DCAKD: variants seen among roughly 807,000 people sequenced by gnomAD.
DCAKD encodes the protein dephospho-CoA kinase domain-containing protein.
Under a neutral mutation model 18.7 loss-of-function variants are expected in DCAKD, and 15 were observed. The observed-to-expected ratio is 0.80, with a 90% confidence interval of 0.54 to 1.24. The LOEUF is 1.24. Among genes scored for constraint, DCAKD ranks in the 50% most tolerant of loss-of-function variants. DCAKD has a pLI of 0.00. For synonymous variants in DCAKD, 130 were observed against 133.0 expected (o/e 0.98, Z 0.16); for missense variants, 301 against 322.0 (o/e 0.93, Z 0.50).
At chr17:45,034,503 G>C in intron 2 of DCAKD, 113 bp from the exon 3 acceptor site, 1 of 1,217,200 alleles carries the variant, frequency 8.2e-7, no homozygotes, top group East Asian at 2.5e-5. Flanking sequence ...TTCAGGTGGA[G>C]CAAAAGCAAA....
intron 1 of DCAKD, among the ~76,000 whole-genome samples, chr17:45,045,836 TTG>T (rs2071929478): frequency 1.3e-5 from 2 of 152,170 alleles, no homozygotes; most frequent in Admixed American, 1.3e-4. Context: ...TTTTTTGTTT[TTG>T]TTTTTGAGAC....
intron 3 of DCAKD, chr17:45,032,189 G>A (rs938968580): frequency 2.8e-5 from 26 of 914,414 alleles, no homozygotes; most frequent in South Asian, 2.5e-4. Context: ...GGTGGGGGAC[G>A]GGAAGGACAC....
At chr17:45,037,521 G>A (rs562655222) in intron 1 of DCAKD, among the ~76,000 whole-genome samples, 13 of 151,852 alleles carry the variant, frequency 8.6e-5, no homozygotes, top group South Asian at 4.2e-4. Context: ...GTGCAATGGC[G>A]CATCTCAGCT....
At chr17:45,044,223 C>T (rs1160439633) in intron 1 of DCAKD, among the ~76,000 whole-genome samples, 1 of 152,146 alleles carries the variant, frequency 6.6e-6, no homozygotes, top group East Asian at 1.9e-4. Context: ...CTCCCCCCTA[C>T]ATCACTGCCC....
chr17:45,035,637 C>T (rs756878883), intron 1 of DCAKD, among the ~76,000 whole-genome samples: 1 of 152,154 alleles, frequency 6.6e-6, no homozygotes. Flanking sequence ...AGACACCTGT[C>T]TCTCTGTGGT....
At chr17:45,049,323 T>C (rs1392577291) in intron 1 of DCAKD, among the ~76,000 whole-genome samples, 1 of 151,950 alleles carries the variant, frequency 6.6e-6, no homozygotes, top group African/African-American at 2.4e-5. Context: ...TACTCTTAGT[T>C]ACTTTGGTGG....
At chr17:45,046,223 G>C (rs2143342568) in intron 1 of DCAKD, among the ~76,000 whole-genome samples, 1 of 152,288 alleles carries the variant, frequency 6.6e-6, no homozygotes, top group Admixed American at 6.5e-5. Context: ...TAAAAGATGA[G>C]GAAAATGTGG....
chr17:45,050,793 T>C (rs2143385315), intron 1 of DCAKD, among the ~76,000 whole-genome samples: 1 of 151,674 alleles, frequency 6.6e-6, no homozygotes. Context: ...TTGAATCATT[T>C]TCCCACAACT....
At chr17:45,047,299 C>G (rs956279101) in intron 1 of DCAKD, among the ~76,000 whole-genome samples, 3 of 151,496 alleles carry the variant, frequency 2.0e-5, no homozygotes, top group African/African-American at 4.8e-5. Context: ...TTATTTTTTT[C>G]GAGGCAGAGT....
chr17:45,039,429 G>A (rs2053378131), intron 1 of DCAKD, among the ~76,000 whole-genome samples: 1 of 152,134 alleles, frequency 6.6e-6, no homozygotes, highest in Non-Finnish European at 1.5e-5. Flanking sequence ...AATTTACTGC[G>A]AAACTTACAA....
At chr17:45,060,686 A>T (rs1164128342) in intron 1 of DCAKD, among the ~76,000 whole-genome samples, 2 of 152,234 alleles carry the variant, frequency 1.3e-5, no homozygotes, top group African/African-American at 4.8e-5. Flanking sequence ...CTCCTGGCTT[A>T]GGGTCAGTGC....
chr17:45,026,817 T>C (rs1383638749), intron 4 of DCAKD: 2 of 985,220 alleles, frequency 2.0e-6, no homozygotes, highest in African/African-American at 3.5e-5. Flanking sequence ...AGACCACATA[T>C]CTGTGGGTGG....
chr17:45,028,999 C>T (rs1037501085), intron 4 of DCAKD, among the ~76,000 whole-genome samples: 4 of 152,218 alleles, frequency 2.6e-5, no homozygotes, highest in African/African-American at 4.8e-5. Flanking sequence ...GCCACTGCAC[C>T]CGGCCTCTAA....
intron 4 of DCAKD, among the ~76,000 whole-genome samples, chr17:45,026,117 C>T (rs2053049708): frequency 1.3e-5 from 2 of 151,970 alleles, no homozygotes; most frequent in East Asian, 3.9e-4. Flanking sequence ...CGGGATTTCA[C>T]CATGTTGGCC....
chr17:45,031,073 T>C (rs1213836583), intron 3 of DCAKD: 17 of 985,210 alleles, frequency 1.7e-5, no homozygotes, highest in Non-Finnish European at 2.0e-5. Context: ...GATAGGAAAA[T>C]GCTTCTCTGC....
intron 4 of DCAKD, among the ~76,000 whole-genome samples, chr17:45,028,809 A>T (rs1020623332): frequency 6.6e-6 from 1 of 151,630 alleles, no homozygotes; most frequent in Non-Finnish European, 1.5e-5. Flanking sequence ...GGTTCAAGCG[A>T]TTCTCTGGCC....
Position 45,024,296 on chromosome 17 carries a change from T to G in DCAKD, c.*137A>C. The G allele has an allele frequency of 8.5e-6, 3 of 354,854 alleles. No individual in the cohort carries two copies. Among genetic ancestry groups the G allele is most frequent in the Non-Finnish European group, 1.4e-5 (3 of 215,136 alleles). 22.0% of individuals were successfully genotyped at this position (354,854 alleles called of 1,614,324 possible). On this transcript the variant is annotated 3_prime_UTR_variant, in exon 5 of 5. Coordinates refer to ENST00000651974, the MANE Select transcript of DCAKD (RefSeq NM_001288655.2). Reference sequence around the variant, plus strand: ...CTGATTCGGAGAGTCCGTGTGTGTGTGTGTGTGTGTGTGTGTGTGTGTGTG... The same window carrying G: ...CTGATTCGGAGAGTCCGTGTGTGTGGGTGTGTGTGTGTGTGTGTGTGTGTG...
chr17:45,056,730 C>T lies in DCAKD; in HGVS notation c.-118+4158G>A, dbSNP rs562144064. ...CCTCAGGTGATCCGCCTGCCTTGGC[C>T]TCCCAAAGTGCTGGGATTATAGGCA... On this transcript the variant is annotated intron_variant, in intron 1 of 4. Coordinates refer to the DCAKD transcript ENST00000310604. Among the ~76,000 whole-genome samples the T allele has an allele frequency of 5.3e-5, 8 of 152,276 alleles. No homozygotes were observed. In the South Asian group the frequency reaches 1.4e-3, roughly 28 times the overall value.
intron 1 of DCAKD, among the ~76,000 whole-genome samples, chr17:45,044,153 G>C (rs534211565): frequency 3.3e-4 from 50 of 152,212 alleles, no homozygotes; most frequent in African/African-American, 1.1e-3. Flanking sequence ...CAAGTCCATG[G>C]AGAGTCCTAC....
Sources: gnomAD v4.1 joint callset for allele counts (sites outside exome capture counted in the v4.1 genomes callset) on GRCh38, gnomAD v4.1.1 for gene constraint, MANE v1.5 for transcripts, NCBI Gene and HGNC (gene_info 2026-07-23, HGNC 2026-07-21) for gene names.